Variants in ARHGAP29 observed in about 807,000 individuals in gnomAD.
The protein encoded by ARHGAP29 is Rho GTPase activating protein 29, also known as rho GTPase-activating protein 29.
ARHGAP29 carries 43 observed loss-of-function variants against 122.6 expected under a neutral mutation model. That is an observed-to-expected ratio of 0.35 (90% confidence interval 0.27 to 0.45). ARHGAP29 has a LOEUF of 0.45. Among genes scored for constraint, ARHGAP29 ranks in the 20% least tolerant of loss-of-function variants. The pLI is 1.00. For missense variants in ARHGAP29, 1,303 were observed against 1,477.2 expected (o/e 0.88, Z 1.93); for synonymous variants, 506 against 497.1 (o/e 1.02, Z -0.24).
chr1:94,215,876 C>CAGCACA (rs1485687367), intron 3 of ARHGAP29, among the ~76,000 whole-genome samples: 1 of 152,006 alleles, frequency 6.6e-6, no homozygotes, highest in East Asian at 1.9e-4. Flanking sequence ...GGAGACCTAC[C>CAGCACA]AGCAAAAGAA....
chr1:94,221,171 G>C (rs932520049), intron 2 of ARHGAP29, among the ~76,000 whole-genome samples: 1 of 152,136 alleles, frequency 6.6e-6, no homozygotes, highest in Admixed American at 6.5e-5. Context: ...CTAGTGGAAA[G>C]GGGGATGCTA....
the ARHGAP29 span, among the ~76,000 whole-genome samples, chr1:94,305,612 G>C: frequency 6.6e-6 from 1 of 152,166 alleles, no homozygotes; most frequent in Non-Finnish European, 1.5e-5. Flanking sequence ...GACCTGATGA[G>C]AGGTGAGGAA....
chr1:94,202,548 T>C lies in ARHGAP29; in HGVS notation c.1139A>G (p.Gln380Arg). Reference protein sequence around the residue: ...KKRRLEEEALQKVEEANELYK... With the variant: ...KKRRLEEEALRKVEEANELYK... Reference sequence around the variant, plus strand: ...AAAAAAGAAAAAGATCGTTACTTTTTGGAGAGCCTCCTCTTCCAACCTTCG... The same window carrying C: ...AAAAAAGAAAAAGATCGTTACTTTTCGGAGAGCCTCCTCTTCCAACCTTCG... Residue 380 changes from glutamine (Q) to arginine (R), a missense_variant, in exon 11 of 23, where the codon CAA becomes CGA. By Grantham distance (43) the Gln-to-Arg change is conservative. This residue lies in a region of ARHGAP29 where 592 missense variants were observed against 648.2 expected (regional missense o/e 0.91). Coordinates refer to ENST00000260526, the MANE Select transcript of ARHGAP29 (RefSeq NM_004815.4). 6.2e-7 allele frequency: 1 copy of C among 1,613,458 alleles called. No homozygotes were observed. The highest frequency in any genetic ancestry group is 8.5e-7 in the Non-Finnish European group (1 of 1,179,912).
At chr1:94,241,656 T>C (rs1312245112), upstream of ARHGAP29, among the ~76,000 whole-genome samples, 7 of 137,830 alleles carry the variant, frequency 5.1e-5, no homozygotes, top group East Asian at 2.0e-4. Context: ...ATATATATCT[T>C]ATATATATAA....
At chr1:94,236,166 T>G (rs1027265155) in intron 1 of ARHGAP29, among the ~76,000 whole-genome samples, 2 of 152,164 alleles carry the variant, frequency 1.3e-5, no homozygotes, top group Non-Finnish European at 2.9e-5. Context: ...AAAAACAGAA[T>G]AGGGACATGT....
intron 2 of ARHGAP29, among the ~76,000 whole-genome samples, chr1:94,226,176 G>A (rs931990957): frequency 6.6e-6 from 1 of 151,650 alleles, no homozygotes; most frequent in Non-Finnish European, 1.5e-5. Flanking sequence ...TGAAAATAAG[G>A]AGAAAAAATG....
At chr1:94,279,468 G>T (rs990779423), upstream of ARHGAP29, among the ~76,000 whole-genome samples, 1 of 152,114 alleles carries the variant, frequency 6.6e-6, no homozygotes, top group Admixed American at 6.6e-5. Flanking sequence ...ATGTTCCATT[G>T]CATTTAACAC....
chr1:94,302,799 G>C, the ARHGAP29 span: 6 of 252,360 alleles, frequency 2.4e-5, no homozygotes, highest in African/African-American at 9.4e-5. Flanking sequence ...CATCAAGGAG[G>C]TGGTGAAGCG....
At chr1:94,233,094 A>G (rs12046536) in intron 1 of ARHGAP29, among the ~76,000 whole-genome samples, 13,893 of 151,736 alleles carry the variant, frequency 0.092, 698 homozygotes, top group South Asian at 0.14. Flanking sequence ...CCAGGGGCAC[A>G]ACACCACACC....
intron 11 of ARHGAP29, 185 bp downstream of exon 11, chr1:94,202,359 A>G: frequency 1.5e-6 from 1 of 670,548 alleles, no homozygotes; most frequent in South Asian, 2.0e-5. Flanking sequence ...CACCAACAGC[A>G]TCAGCACGAC....
intron 1 of ARHGAP29, among the ~76,000 whole-genome samples, chr1:94,268,879 A>C (rs942308533): frequency 6.6e-6 from 1 of 152,144 alleles, no homozygotes; most frequent in African/African-American, 2.4e-5. Context: ...TCTTCCTGCT[A>C]AGCCTAACTA....
chr1:94,220,461 T>C, intron 2 of ARHGAP29, 69 bp from the exon 3 acceptor site: 2 of 1,357,662 alleles, frequency 1.5e-6, no homozygotes, highest in Non-Finnish European at 9.9e-7. Context: ...CAAAACGTCA[T>C]CTGAAGCACA....
At chr1:94,233,723 C>T (rs1476306431) in intron 1 of ARHGAP29, among the ~76,000 whole-genome samples, 1 of 152,110 alleles carries the variant, frequency 6.6e-6, no homozygotes, top group Non-Finnish European at 1.5e-5. Flanking sequence ...ATGACTCTCA[C>T]CAGGAAATAA....
chr1:94,202,431 C>T, intron 11 of ARHGAP29, 113 bp downstream of exon 11: 2 of 1,284,692 alleles, frequency 1.6e-6, no homozygotes, highest in Non-Finnish European at 2.2e-6. Flanking sequence ...TGGGCTTAGC[C>T]ATGTTTTAAC....
At chr1:94,291,029 C>T in the ARHGAP29 span, among the ~76,000 whole-genome samples, 1 of 152,094 alleles carries the variant, frequency 6.6e-6, no homozygotes, top group African/African-American at 2.4e-5. Context: ...GTTAAAGTCT[C>T]CCATTATTAT....
In ARHGAP29 at chr1:94,170,834, T is replaced by TA. The variant is rs1481221710; in HGVS notation, c.*3034dup. Among the ~76,000 whole-genome samples, 7 of 152,334 alleles carry TA rather than the reference T, an allele frequency of 4.6e-5. No homozygotes were observed. Among genetic ancestry groups the TA allele is most frequent in the Non-Finnish European group, 8.8e-5 (6 of 68,032 alleles). On this transcript the variant is annotated 3_prime_UTR_variant, in exon 23 of 23. Transcript: ENST00000260526. Reference sequence around the variant, plus strand: ...CATCAAGATCTTGTACATCTTTTGTTAGACTTATTCTTAGGTAGAGTATTT... The same window carrying TA: ...CATCAAGATCTTGTACATCTTTTGTTAAGACTTATTCTTAGGTAGAGTATTT...
chr1:94,288,724 A>C, the ARHGAP29 span, among the ~76,000 whole-genome samples: 1 of 152,188 alleles, frequency 6.6e-6, no homozygotes, highest in Non-Finnish European at 1.5e-5. Context: ...ATGGCTAGCC[A>C]GTTTTCCCAG....
chr1:94,195,090 T>A (rs1650370919), intron 12 of ARHGAP29: 1 of 152,208 alleles, frequency 6.6e-6, no homozygotes, highest in African/African-American at 2.4e-5. Context: ...ATTTCCTAAC[T>A]GGAAGCTGGC....
chr1:94,202,428 A>T, intron 11 of ARHGAP29, 116 bp downstream of exon 11: 1 of 1,243,468 alleles, frequency 8.0e-7, no homozygotes, highest in Non-Finnish European at 1.1e-6. Context: ...GGATGGGCTT[A>T]GCCATGTTTT....
Sources: gnomAD v4.1 joint callset for allele counts (sites outside exome capture counted in the v4.1 genomes callset) on GRCh38, gnomAD v4.1.1 for gene constraint, gnomAD v4.1.1 regional missense constraint, MANE v1.5 for transcripts, NCBI Gene and HGNC (gene_info 2026-07-23, HGNC 2026-07-21) for gene names.